The following PFKL variants were observed in gnomAD, a reference collection of about 807,000 sequenced individuals.
PFKL encodes phosphofructokinase, liver type, also known as ATP-dependent 6-phosphofructokinase, liver type.
A neutral mutation model predicts 92.1 loss-of-function variants in PFKL; 74 were observed. The ratio of observed to expected loss-of-function variants is 0.80; its 90% CI spans 0.67 to 0.97. The LOEUF (loss-of-function observed/expected upper bound fraction) is 0.97. PFKL is among the 50% of genes least tolerant of loss of function. The probability of loss-of-function intolerance (pLI) is 0.00; values close to 1 mark genes in which losing one functional copy is unlikely to be tolerated. For synonymous variants in PFKL, 494 were observed against 456.4 expected (o/e 1.08, Z -1.05); for missense variants, 1,028 against 1,116.6 (o/e 0.92, Z 1.13).
intron 1 of PFKL, chr21:44,304,372 C>G (rs988749694): frequency 8.6e-6 from 11 of 1,276,872 alleles, no homozygotes; most frequent in Non-Finnish European, 9.1e-6. Flanking sequence ...CTGGGGAGAC[C>G]AGAGAGGCCC....
In PFKL at chr21:44,325,968, C is replaced by T. The variant is rs1427495181; in HGVS notation, c.1997C>T (p.Ala666Val). ...NVLGHLQQGGAPTPFDRNYGT... is the reference protein window; with the variant it reads ...NVLGHLQQGGVPTPFDRNYGT... ...GGCCTCACCTGTTTCCAGGGTGGCG[C>T]TCCAACCCCCTTTGACCGGAACTAT... The change falls in exon 20 of 22, where the codon GCT becomes GTT. Residue 666 changes from alanine (A) to valine (V), a missense_variant. Physicochemically the swap from Ala to Val is moderately conservative, Grantham distance 64. Transcript: ENST00000349048. 1.9e-6 allele frequency: 3 copies of T among 1,613,210 alleles called. No individual in the cohort carries two copies. Among genetic ancestry groups the T allele is most frequent in the Non-Finnish European group, 2.5e-6 (3 of 1,179,664 alleles).
At chr21:44,320,008 C>T (rs1048493878) in intron 11 of PFKL, 76 bp from the exon 12 acceptor site, 18 of 1,356,292 alleles carry the variant, frequency 1.3e-5, no homozygotes, top group Middle Eastern at 3.8e-4. Flanking sequence ...GCCTCCTGGG[C>T]TCTGTCACGG....
chr21:44,306,220 G>T (rs770869585), intron 1 of PFKL, among the ~76,000 whole-genome samples: 2 of 145,368 alleles, frequency 1.4e-5, no homozygotes, highest in Non-Finnish European at 3.0e-5. Context: ...GCCTGTGAGT[G>T]TGGGGGCTCC....
rs778604216 is a variant in PFKL, at chr21:44,326,202, C to T, written c.2133C>T (p.Gly711=). The change falls in exon 21 of 22, where the codon GGC becomes GGT. Residue 711 remains glycine (G), a synonymous_variant. Transcript: ENST00000349048. ...CCCCAGACTCGGCCTGCGTGATCGG[C>T]CTGAAGAAGAAGGCGGTGGCCTTCA... ...ANAPDSACVI[G]LKKKAVAFSP... The T allele has an allele frequency of 3.7e-6, 6 of 1,613,104 alleles. No individual in the cohort carries two copies. The highest frequency in any genetic ancestry group is 2.2e-5 in the South Asian group (2 of 91,038).
chr21:44,305,440 A>C, intron 1 of PFKL: 1 of 818,260 alleles, frequency 1.2e-6, no homozygotes, highest in Non-Finnish European at 1.9e-6. Flanking sequence ...AGCCTCTGCA[A>C]GTACAGGGGG....
chr21:44,324,794 C>T (rs1369711106), intron 17 of PFKL, 62 bp from the exon 18 acceptor site: 39 of 1,586,056 alleles, frequency 2.5e-5, no homozygotes, highest in Middle Eastern at 1.7e-4. Context: ...CCCGGATCGC[C>T]GGTCAGCCTG....
Position 44,323,749 on chromosome 21 carries a change from C to T in PFKL, c.1498-17C>T, listed in dbSNP as rs199647681. On this transcript the variant is annotated splice_polypyrimidine_tract_variant and intron_variant, in intron 15 of 21. Coordinates refer to ENST00000349048, the MANE Select transcript of PFKL (RefSeq NM_002626.6). ...CCTCGGTGCTGCCCTTGACCTGCCC[C>T]GTCCCTACTGCTGCAGGCCTATGAA... 596 of 1,605,692 alleles carry T rather than the reference C, an allele frequency of 3.7e-4. No individual in the cohort carries two copies. In the African/African-American group the frequency reaches 6.6e-3, roughly 18 times the overall value.
At chr21:44,312,954 GTCC>G (rs1240256084) in intron 4 of PFKL, 21 bp from the exon 5 acceptor site, 18 of 1,610,634 alleles carry the variant, frequency 1.1e-5, no homozygotes, top group Non-Finnish European at 1.4e-5. Flanking sequence ...CCTCAGCCAG[GTCC>G]TCCTGCTGCT....
chr21:44,318,727 A>G (rs1602038960), intron 10 of PFKL, 132 bp downstream of exon 10: 2 of 665,288 alleles, frequency 3.0e-6, no homozygotes, highest in East Asian at 3.4e-5. Flanking sequence ...GGCCCAGGGC[A>G]TCCCAGGTCT....
At position 44,322,198 on chromosome 21, in the gene PFKL, C is replaced by G. The variant is rs747736026; in HGVS notation, c.1404C>G (p.Thr468=). The G allele has an allele frequency of 4.4e-6, 7 of 1,601,498 alleles. No individual in the cohort carries two copies. The highest frequency in any genetic ancestry group is 5.9e-6 in the Non-Finnish European group (7 of 1,177,568). Residue 468 remains threonine (T), a synonymous_variant, in exon 14 of 22, where the codon ACC becomes ACG. Transcript: ENST00000349048. ...GGCGTGGTGGCTCCATGCTGGGGACCAAGAGGTGAGCTGCCTGCTGCGGGT... is the reference window on the plus strand; with the variant it reads ...GGCGTGGTGGCTCCATGCTGGGGACGAAGAGGTGAGCTGCCTGCTGCGGGT... ...WLGRGGSMLG[T]KRTLPKGQLE... is the part of the protein sequence containing the mutation.
At chr21:44,306,802 A>G in intron 2 of PFKL, 48 bp downstream of exon 2, 1 of 1,535,346 alleles carries the variant, frequency 6.5e-7, no homozygotes, top group Non-Finnish European at 9.0e-7. Flanking sequence ...GGACCTCCTG[A>G]GGCGCATGCC....
At chr21:44,319,531 T>C in intron 11 of PFKL, 116 bp downstream of exon 11, 1 of 893,828 alleles carries the variant, frequency 1.1e-6, no homozygotes, top group Non-Finnish European at 1.8e-6. Context: ...AGGCACCGCG[T>C]CTGAAGATCG....
At chr21:44,318,447 C>T in intron 9 of PFKL, 23 bp from the exon 10 acceptor site, 1 of 1,475,766 alleles carries the variant, frequency 6.8e-7, no homozygotes, top group Non-Finnish European at 9.1e-7. Context: ...AGTGGGTGTG[C>T]CAGCCTGAAC....
At chr21:44,323,948 T>C (rs561834010) in intron 16 of PFKL, 30 bp downstream of exon 16, 4 of 1,612,130 alleles carry the variant, frequency 2.5e-6, no homozygotes, top group Middle Eastern at 1.7e-4. Context: ...CGGCCTGCCA[T>C]GCCCAGGCCC....
In PFKL at chr21:44,313,578, A is replaced by T. The variant is rs2047117019; in HGVS notation, c.594-60A>T. Reference sequence around the variant, plus strand: ...TGGGTCCCTTGAGCACCCCGCAGGGAATCGGGCTGGCAGGGCCGTGTGGCT... The same window carrying T: ...TGGGTCCCTTGAGCACCCCGCAGGGTATCGGGCTGGCAGGGCCGTGTGGCT... On this transcript the variant is annotated intron_variant, in intron 5 of 21. Transcript: ENST00000349048. The T allele has an allele frequency of 2.6e-6, 4 of 1,544,974 alleles. No homozygotes were observed. The African/African-American group carries it at 5.4e-5, about 21-fold the overall frequency.
In PFKL at chr21:44,321,764, C is replaced by T; in HGVS notation, c.1227C>T (p.Ala409=). Residue 409 remains alanine, a synonymous_variant, in exon 13 of 22, where the codon GCC becomes GCT. Coordinates refer to ENST00000349048, the MANE Select transcript of PFKL (RefSeq NM_002626.6). Reference sequence around the variant, plus strand: ...CCCTGGCCATCCTGAATGTGGGGGCCCCGGCGGCTGGCATGAATGCGGCCG... The same window carrying T: ...CCCTGGCCATCCTGAATGTGGGGGCTCCGGCGGCTGGCATGAATGCGGCCG... The part of the protein sequence containing the change: ...NFSLAILNVG[A]PAAGMNAAVR... 1 of 1,593,546 alleles carries T rather than the reference C, an allele frequency of 6.3e-7. No homozygotes were observed. Among genetic ancestry groups the T allele is most frequent in the Non-Finnish European group, 8.5e-7 (1 of 1,170,750 alleles).
intron 14 of PFKL, 23 bp from the exon 15 acceptor site, chr21:44,322,939 T>G (rs11088947): frequency 2.5e-6 from 4 of 1,572,708 alleles, no homozygotes; most frequent in Admixed American, 1.7e-5. Context: ...TGCGTGTTCA[T>G]GCGGATGTGT....
intron 9 of PFKL, 101 bp from the exon 10 acceptor site, chr21:44,318,369 G>T: frequency 1.6e-6 from 2 of 1,271,224 alleles, no homozygotes; most frequent in Non-Finnish European, 2.1e-6. Context: ...CGTCAGCGTG[G>T]GGGGCTCTGG....
At position 44,324,681 on chromosome 21, in the gene PFKL, G is replaced by A. The variant is rs368143244; in HGVS notation, c.1815+26G>A. ...GTGAGCCCAGCCCAGCCCCTGCTGC[G>A]GCAGACCTGCCGGCATGCCAGCCTG... On this transcript the variant is annotated intron_variant, in intron 17 of 21. Coordinates refer to ENST00000349048, the MANE Select transcript of PFKL (RefSeq NM_002626.6). The A allele has an allele frequency of 3.6e-4, 564 of 1,566,328 alleles. 2 individuals carry two copies. The highest frequency in any genetic ancestry group is 4.5e-4 in the Non-Finnish European group (515 of 1,153,388).
Sources: allele counts gnomAD v4.1 joint callset (sites outside exome capture counted in the v4.1 genomes callset), GRCh38; gene constraint gnomAD v4.1.1; transcripts MANE v1.5; gene names NCBI Gene and HGNC (gene_info 2026-07-23, HGNC 2026-07-21).